The following MGST1 variants were observed in gnomAD, a reference collection of about 807,000 sequenced individuals.
MGST1 encodes glutathione S-transferase 12.
Under a neutral mutation model 8.9 loss-of-function variants are expected in MGST1, and 5 were observed. The ratio of observed to expected loss-of-function variants is 0.56; its 90% CI spans 0.29 to 1.19. The LOEUF is 1.19. Among genes scored for constraint, MGST1 ranks in the 50% most tolerant of loss-of-function variants. The probability of loss-of-function intolerance (pLI) is 0.08; values close to 1 mark genes in which losing one functional copy is unlikely to be tolerated. For synonymous variants in MGST1, 54 were observed against 67.8 expected, an observed-to-expected ratio of 0.80 and a Z score of 1.00; for missense variants, 182 against 187.4, an observed-to-expected ratio of 0.97 and a Z score of 0.17.
chr12:16,563,283 C>A (rs577917482), intron 4 of MGST1, among the ~76,000 whole-genome samples: 1 of 152,266 alleles, frequency 6.6e-6, no homozygotes, highest in East Asian at 1.9e-4. Context: ...ATCAAGAGAT[C>A]ATTCTATAGC....
intron 1 of MGST1, among the ~76,000 whole-genome samples, chr12:16,430,725 G>A (rs74750426): frequency 2.5e-3 from 384 of 152,198 alleles, no homozygotes; most frequent in African/African-American, 8.6e-3. Context: ...ATAGATCATA[G>A]ACAGAGTAGA....
chr12:16,531,772 C>CT lies in MGST1; in HGVS notation n.483-57753dup, dbSNP rs1446634203. Among the ~76,000 whole-genome samples the CT allele has an allele frequency of 3.9e-5, 6 of 152,208 alleles. No homozygotes were observed. The East Asian group carries it at 1.2e-3, about 29-fold the overall frequency. ...CCAGCGGGAATGCACAGAGGCGCTTCTTTGTGCGGTATTGTTTCTGTGGGT... is the reference window on the plus strand; with the variant it reads ...CCAGCGGGAATGCACAGAGGCGCTTCTTTTGTGCGGTATTGTTTCTGTGGGT... On this transcript the variant is annotated intron_variant and non_coding_transcript_variant, in intron 4 of 4. Coordinates refer to the MGST1 transcript ENST00000538857.
intron 1 of MGST1, among the ~76,000 whole-genome samples, chr12:16,391,674 T>C (rs1170812764): frequency 6.6e-6 from 1 of 152,212 alleles, no homozygotes; most frequent in Non-Finnish European, 1.5e-5. Flanking sequence ...TTGCAAATAT[T>C]TTCTCCCATT....
In MGST1 at chr12:16,576,617, A is replaced by AGC. The variant is rs1943004149; in HGVS notation, n.483-12910_483-12909dup. ...TTTGTCTCTTTCTCACTACATAATAAGCTCCCTGAAAACTTGCCTTCTCCT... is the reference window on the plus strand; with the variant it reads ...TTTGTCTCTTTCTCACTACATAATAAGCGCTCCCTGAAAACTTGCCTTCTCCT... On this transcript the variant is annotated intron_variant and non_coding_transcript_variant, in intron 4 of 4. Transcript: ENST00000538857. This position sits in a 1 kb window ranked among gnomAD's most constrained non-coding sequence, Gnocchi z 4.1. Among the ~76,000 whole-genome samples, 1 of 152,134 alleles carries AGC rather than the reference A, an allele frequency of 6.6e-6. No individual in the cohort carries two copies. Among genetic ancestry groups the AGC allele is most frequent in the South Asian group, 2.1e-4 (1 of 4,820 alleles).
Position 16,488,373 on chromosome 12 carries a change from T to C in MGST1, n.483-101155T>C, listed in dbSNP as rs1032343233. ...CCCTCCCTCATCTCTCTCCCCTCTC[T>C]GCACTAGATACAGTGATCTTCAATT... On this transcript the variant is annotated intron_variant and non_coding_transcript_variant, in intron 4 of 4. Transcript: ENST00000538857. Among the ~76,000 whole-genome samples, 14 of 152,188 alleles carry C rather than the reference T, an allele frequency of 9.2e-5. 1 individual carries two copies. The highest frequency in any genetic ancestry group is 3.1e-4 in the African/African-American group (13 of 41,448).
intron 4 of MGST1, among the ~76,000 whole-genome samples, chr12:16,562,247 TAGG>T (rs1942433442): frequency 6.6e-6 from 1 of 152,176 alleles, no homozygotes; most frequent in Non-Finnish European, 1.5e-5. Context: ...ATGATCTGCT[TAGG>T]AGATCTGCTT....
At chr12:16,492,072 A>G (rs1014619259) in intron 4 of MGST1, among the ~76,000 whole-genome samples, 7 of 152,192 alleles carry the variant, frequency 4.6e-5, no homozygotes. Context: ...TGAAAAGTAT[A>G]AATATGTATG....
intron 4 of MGST1, among the ~76,000 whole-genome samples, chr12:16,568,096 G>A (rs1409647381): frequency 6.6e-6 from 1 of 152,170 alleles, no homozygotes; most frequent in Non-Finnish European, 1.5e-5. Flanking sequence ...GAATACTAAA[G>A]GTGAGGAAAG....
At chr12:16,395,589 G>A (rs1010678568) in intron 1 of MGST1, among the ~76,000 whole-genome samples, 34 of 149,070 alleles carry the variant, frequency 2.3e-4, no homozygotes, top group African/African-American at 8.0e-4. Context: ...CTTCCCCCAA[G>A]TCCCCAAAGT....
At chr12:16,521,256 C>G (rs1394904144) in intron 4 of MGST1, among the ~76,000 whole-genome samples, 1 of 152,010 alleles carries the variant, frequency 6.6e-6, no homozygotes, top group East Asian at 1.9e-4. Context: ...TCAGAATAGC[C>G]AGACCACAAA....
intron 4 of MGST1, among the ~76,000 whole-genome samples, chr12:16,588,930 A>C (rs1167904474): frequency 6.6e-6 from 1 of 151,126 alleles, no homozygotes; most frequent in Non-Finnish European, 1.5e-5. Context: ...GCCAATGTGT[A>C]CCGCTCTTTC....
intron 1 of MGST1, among the ~76,000 whole-genome samples, chr12:16,392,877 T>G (rs1056663098): frequency 1.3e-5 from 2 of 152,174 alleles, no homozygotes; most frequent in African/African-American, 4.8e-5. Flanking sequence ...ATTATATAAT[T>G]ACTTGTATCT....
Position 16,403,507 on chromosome 12 carries a change from A to G in MGST1, n.778+19903A>G, listed in dbSNP as rs1009458134. ...GCAATTATTGGCTATAATGTTCTGT[A>G]TGTATTAGATTGGTGCAAAAGTAAT... On this transcript the variant is annotated intron_variant and non_coding_transcript_variant, in intron 1 of 1. Coordinates refer to the MGST1 transcript ENST00000359720. 3.3e-5 allele frequency among the ~76,000 whole-genome samples: 5 copies of G among 152,246 alleles called. No homozygotes were observed. The South Asian group carries it at 1.0e-3, about 32-fold the overall frequency.
At chr12:16,534,160 A>T (rs1941739816) in intron 4 of MGST1, among the ~76,000 whole-genome samples, 1 of 152,232 alleles carries the variant, frequency 6.6e-6, no homozygotes. Flanking sequence ...AACAATAAAA[A>T]ATCATTGATA....
chr12:16,468,348 A>T (rs997674924), intron 4 of MGST1, among the ~76,000 whole-genome samples: 1 of 152,214 alleles, frequency 6.6e-6, no homozygotes, highest in Non-Finnish European at 1.5e-5. Context: ...CATAGAAATT[A>T]TACTTTTTAT....
At chr12:16,475,137 C>A (rs1188616319) in intron 4 of MGST1, among the ~76,000 whole-genome samples, 1 of 152,044 alleles carries the variant, frequency 6.6e-6, no homozygotes, top group Non-Finnish European at 1.5e-5. Context: ...TCAGAAGGTG[C>A]CTTTGCAAGA....
intron 1 of MGST1, among the ~76,000 whole-genome samples, chr12:16,429,471 C>A (rs751549722): frequency 6.7e-6 from 1 of 148,160 alleles, no homozygotes; most frequent in Non-Finnish European, 1.5e-5. Flanking sequence ...TTTCTTCAAT[C>A]ATATCTTTTG....
intron 4 of MGST1, among the ~76,000 whole-genome samples, chr12:16,492,697 A>G (rs1031817206): frequency 1.3e-5 from 2 of 152,192 alleles, no homozygotes; most frequent in African/African-American, 4.8e-5. Flanking sequence ...CTATCACTAA[A>G]GATTTTTTTA....
chr12:16,513,660 C>T lies in MGST1; in HGVS notation n.483-75868C>T, dbSNP rs1941591741. 1 of 507,316 alleles carries T rather than the reference C, an allele frequency of 2.0e-6. No individual in the cohort carries two copies. The allele number at this position is 507,316 out of a possible 1,614,324, so 31.4% of individuals were successfully genotyped here. ...CCCAGATTGCAGCCAAAAATTTGGA[C>T]GAGGACTACCTCTCCATTGGGCGGC... On this transcript the variant is annotated intron_variant and non_coding_transcript_variant, in intron 4 of 4. Coordinates refer to the MGST1 transcript ENST00000538857. The surrounding 1 kb of genome is among the most constrained non-coding windows in gnomAD (Gnocchi z 4.2).
Sources: allele counts gnomAD v4.1 joint callset (sites outside exome capture counted in the v4.1 genomes callset), GRCh38; gene constraint gnomAD v4.1.1; non-coding constraint Gnocchi (gnomAD v3.1); transcripts MANE v1.5; gene names NCBI Gene and HGNC (gene_info 2026-07-23, HGNC 2026-07-21).